The following GRM3 variants were observed in gnomAD, a reference collection of about 807,000 sequenced individuals.
GRM3 encodes metabotropic glutamate receptor 3.
GRM3 carries 26 observed loss-of-function variants against 70.5 expected under a neutral mutation model. That is an observed-to-expected ratio of 0.37 (90% CI 0.27 to 0.51). The LOEUF (loss-of-function observed/expected upper bound fraction) is 0.51, where lower values mean the gene tolerates loss of function less well. Ranked by LOEUF, GRM3 falls within the 20% of genes least tolerant of loss-of-function variation. The pLI, the probability that GRM3 is intolerant of heterozygous loss-of-function variation, is 0.93. For missense variants in GRM3, 859 were observed against 1,123.8 expected, an observed-to-expected ratio of 0.76 and a Z score of 3.37; for synonymous variants, 443 against 434.9, an observed-to-expected ratio of 1.02 and a Z score of -0.23.
At chr7:86,862,098 C>G (rs930918824) in intron 5 of GRM3, among the ~76,000 whole-genome samples, 4 of 152,104 alleles carry the variant, frequency 2.6e-5, no homozygotes, top group Non-Finnish European at 5.9e-5. Flanking sequence ...GATGGCAAAA[C>G]CATTCACTGA....
intron 1 of GRM3, among the ~76,000 whole-genome samples, chr7:86,736,337 G>A (rs1007896997): frequency 6.6e-6 from 1 of 152,186 alleles, no homozygotes; most frequent in South Asian, 2.1e-4. Flanking sequence ...AAAAAGGCAA[G>A]AATTACTTGT....
At chr7:86,796,622 A>T (rs951149538) in intron 3 of GRM3, among the ~76,000 whole-genome samples, 5 of 152,204 alleles carry the variant, frequency 3.3e-5, no homozygotes, top group Admixed American at 3.3e-4. Flanking sequence ...TTAGTGGGAA[A>T]AGCATTGAAT....
intron 5 of GRM3, among the ~76,000 whole-genome samples, chr7:86,856,673 A>G (rs1798855470): frequency 6.6e-6 from 1 of 152,134 alleles, no homozygotes. Flanking sequence ...GTCATTGTCA[A>G]TGGAAGAATA....
chr7:86,827,711 A>T (rs920105379), intron 3 of GRM3, among the ~76,000 whole-genome samples: 1 of 152,086 alleles, frequency 6.6e-6, no homozygotes, highest in Non-Finnish European at 1.5e-5. Flanking sequence ...AAGAAGTTTC[A>T]CTATGTTGGC....
chr7:86,828,439 G>T (rs10226672), intron 3 of GRM3, among the ~76,000 whole-genome samples: 17,874 of 152,060 alleles, frequency 0.12, 1,149 homozygotes, highest in African/African-American at 0.15. Flanking sequence ...TTTACATTCA[G>T]TTCTAGGCCA....
intron 1 of GRM3, among the ~76,000 whole-genome samples, chr7:86,663,534 G>A (rs185958601): frequency 6.6e-6 from 1 of 152,008 alleles, no homozygotes; most frequent in Non-Finnish European, 1.5e-5. Context: ...CACTAATTGT[G>A]GCAAGCCAAT....
chr7:86,658,590 A>G (rs909076672), intron 1 of GRM3, among the ~76,000 whole-genome samples: 1 of 152,182 alleles, frequency 6.6e-6, no homozygotes, highest in Non-Finnish European at 1.5e-5. Context: ...ACTGTAGTCT[A>G]TAAGGGGGCT....
At chr7:86,828,510 T>C (rs1798289287) in intron 3 of GRM3, among the ~76,000 whole-genome samples, 1 of 152,234 alleles carries the variant, frequency 6.6e-6, no homozygotes, top group Non-Finnish European at 1.5e-5. Context: ...TTCCAGTGCA[T>C]ATAAAAGTTA....
chr7:86,791,769 G>C (rs990618846), intron 3 of GRM3, among the ~76,000 whole-genome samples: 1 of 152,128 alleles, frequency 6.6e-6, no homozygotes, highest in Non-Finnish European at 1.5e-5. Context: ...TTCTTTTTAA[G>C]ATACCTTTAA....
intron 3 of GRM3, among the ~76,000 whole-genome samples, chr7:86,820,806 A>G (rs1345389260): frequency 6.6e-6 from 1 of 152,174 alleles, no homozygotes; most frequent in Non-Finnish European, 1.5e-5. Context: ...ATAGAAAAGC[A>G]TGTTCAAGCT....
At chr7:86,830,973 G>C (rs904712741) in intron 3 of GRM3, among the ~76,000 whole-genome samples, 4 of 152,156 alleles carry the variant, frequency 2.6e-5, no homozygotes, top group African/African-American at 9.7e-5. Context: ...GAACACCGAA[G>C]ATTGCCGGCA....
At chr7:86,811,865 C>G (rs567564323) in intron 3 of GRM3, among the ~76,000 whole-genome samples, 20 of 151,086 alleles carry the variant, frequency 1.3e-4, no homozygotes, top group African/African-American at 4.6e-4. Flanking sequence ...CTATTGTACT[C>G]ATTTGTTAAA....
intron 3 of GRM3, among the ~76,000 whole-genome samples, chr7:86,790,160 T>A (rs1178377527): frequency 1.3e-5 from 2 of 151,034 alleles, no homozygotes; most frequent in Non-Finnish European, 3.0e-5. Flanking sequence ...TTATCTGGCA[T>A]CTTCAGTGAT....
chr7:86,677,676 G>C (rs1321968869), intron 1 of GRM3, among the ~76,000 whole-genome samples: 1 of 151,934 alleles, frequency 6.6e-6, no homozygotes, highest in African/African-American at 2.4e-5. Context: ...AAATTGACAG[G>C]TGGCTTGGGA....
intron 1 of GRM3, among the ~76,000 whole-genome samples, chr7:86,649,179 T>A (rs1793549002): frequency 1.3e-5 from 2 of 152,194 alleles, no homozygotes; most frequent in African/African-American, 4.8e-5. Flanking sequence ...GGTCCCAAAG[T>A]ATTTTTATAG....
At chr7:86,803,286 C>A (rs961774260) in intron 3 of GRM3, among the ~76,000 whole-genome samples, 1 of 152,182 alleles carries the variant, frequency 6.6e-6, no homozygotes, top group African/African-American at 2.4e-5. Flanking sequence ...AGTTCCTTAT[C>A]TTTTGCCTAC....
chr7:86,689,443 A>G (rs1230376359), intron 1 of GRM3, among the ~76,000 whole-genome samples: 8 of 152,110 alleles, frequency 5.3e-5, no homozygotes, highest in Admixed American at 4.6e-4. Flanking sequence ...TAGTAACAAG[A>G]GCCTAAGGAT....
intron 3 of GRM3, among the ~76,000 whole-genome samples, chr7:86,800,378 A>G (rs1331492714): frequency 2.6e-5 from 4 of 152,208 alleles, no homozygotes; most frequent in African/African-American, 7.2e-5. Flanking sequence ...AAAAATAATT[A>G]AATAGATAGA....
chr7:86,819,701 T>C (rs1798081684), intron 3 of GRM3, among the ~76,000 whole-genome samples: 1 of 152,160 alleles, frequency 6.6e-6, no homozygotes, highest in South Asian at 2.1e-4. Flanking sequence ...ATTCAAGATG[T>C]ATGATGTTCT....
Sources: gnomAD v4.1 joint callset for allele counts (sites outside exome capture counted in the v4.1 genomes callset) on GRCh38, gnomAD v4.1.1 for gene constraint, MANE v1.5 for transcripts, NCBI Gene and HGNC (gene_info 2026-07-23, HGNC 2026-07-21) for gene names.